The following DCHS2 variants were observed in gnomAD, a reference collection of about 807,000 sequenced individuals.
The protein encoded by DCHS2 is dachsous cadherin-related 2.
DCHS2 carries 142 observed loss-of-function variants against 182.4 expected under a neutral mutation model. The observed-to-expected ratio is 0.78, with a 90% CI of 0.68 to 0.89. The LOEUF is 0.89. Ranked by LOEUF, DCHS2 falls within the 40% of genes least tolerant of loss-of-function variation. The pLI is 0.00. For missense variants in DCHS2, 4,319 were observed against 4,198.6 expected, an observed-to-expected ratio of 1.03 and a Z score of -0.79; for synonymous variants, 1,740 against 1,663.3, an observed-to-expected ratio of 1.05 and a Z score of -1.12.
chr4:154,288,002 A>G (rs563409605), intron 13 of DCHS2, among the ~76,000 whole-genome samples: 2 of 152,336 alleles, frequency 1.3e-5, no homozygotes, highest in East Asian at 3.9e-4. Context: ...CAGGAAGATA[A>G]GAAAAAGGGA....
At chr4:154,291,445 T>A (rs1267061796) in intron 13 of DCHS2, among the ~76,000 whole-genome samples, 1 of 152,120 alleles carries the variant, frequency 6.6e-6, no homozygotes, top group African/African-American at 2.4e-5. Flanking sequence ...CACTGTTAGG[T>A]TATATACTTA....
intron 1 of DCHS2, among the ~76,000 whole-genome samples, chr4:154,478,343 C>T (rs1454518220): frequency 6.6e-6 from 1 of 152,170 alleles, no homozygotes; most frequent in Admixed American, 6.5e-5. Flanking sequence ...AACCTACCCT[C>T]CTGCATGTAA....
chr4:154,293,681 A>C (rs1225573897), intron 13 of DCHS2, among the ~76,000 whole-genome samples: 1 of 152,038 alleles, frequency 6.6e-6, no homozygotes, highest in Non-Finnish European at 1.5e-5. Context: ...GTATCCTCCT[A>C]ACTCATTTCT....
At chr4:154,265,105 T>G (rs576472140) in intron 14 of DCHS2, among the ~76,000 whole-genome samples, 70 of 152,342 alleles carry the variant, frequency 4.6e-4, no homozygotes, top group South Asian at 1.4e-3. Context: ...TATGATTTTA[T>G]GTGTCAAATA....
intron 1 of DCHS2, among the ~76,000 whole-genome samples, chr4:154,426,806 C>A (rs1320655726): frequency 2.4e-5 from 1 of 40,998 alleles, no homozygotes; most frequent in Non-Finnish European, 1.1e-4. Context: ...AATAAAATAA[C>A]TAAAAGAGTA....
chr4:154,365,253 C>T (rs1730295668), intron 3 of DCHS2, among the ~76,000 whole-genome samples: 1 of 152,098 alleles, frequency 6.6e-6, no homozygotes, highest in African/African-American at 2.4e-5. Context: ...AAAAAAGGAT[C>T]TACTTTGGAC....
rs1006178739 is a variant in DCHS2 at position 154,298,000 on chromosome 4, G to A, written c.6314C>T (p.Pro2105Leu). The A allele has an allele frequency of 5.6e-6, 9 of 1,613,952 alleles. No homozygotes were observed. Among genetic ancestry groups the A allele is most frequent in the Non-Finnish European group, 6.8e-6 (8 of 1,179,994 alleles). Reference protein sequence around the residue: ...FQQNPSSEYFPIWLQLKVTDQ... With the variant: ...FQQNPSSEYFLIWLQLKVTDQ... ...TGTAACTTTTAACTGCAGCCAGATA[G>A]GGAAGTATTCTGAAGATGGATTTTG... The change falls in exon 13 of 20, where the codon CCT becomes CTT. Residue 2105 changes from proline (P) to leucine (L), a missense_variant. Coordinates refer to ENST00000357232, the MANE Select transcript of DCHS2 (RefSeq NM_001358235.2).
In DCHS2 at chr4:154,442,369, T is replaced by G. The variant is rs149667203; in HGVS notation, c.2052+46935A>C. ...GACTCTCTTACCCTACATGGCTCTGTATATCCTGTAACTGACTCAAACATG... is the reference window on the plus strand; with the variant it reads ...GACTCTCTTACCCTACATGGCTCTGGATATCCTGTAACTGACTCAAACATG... On this transcript the variant is annotated intron_variant, in intron 1 of 19. Transcript: ENST00000357232. Among the ~76,000 whole-genome samples the G allele has an allele frequency of 3.6e-3, 544 of 152,210 alleles. 5 individuals are homozygous for G. The Middle Eastern group carries it at 0.044, about 12-fold the overall frequency.
chr4:154,373,311 T>C (rs981742236), intron 2 of DCHS2, among the ~76,000 whole-genome samples: 9 of 152,148 alleles, frequency 5.9e-5, no homozygotes, highest in African/African-American at 1.9e-4. Context: ...AGAATAATTA[T>C]GATAGATGCA....
At chr4:154,429,048 C>T (rs535443526) in intron 1 of DCHS2, among the ~76,000 whole-genome samples, 4 of 151,868 alleles carry the variant, frequency 2.6e-5, no homozygotes, top group African/African-American at 9.7e-5. Flanking sequence ...GTTATAAACA[C>T]ACAAAGAAAT....
chr4:154,353,313 A>C (rs1213576750), intron 3 of DCHS2, among the ~76,000 whole-genome samples: 1 of 152,194 alleles, frequency 6.6e-6, no homozygotes, highest in Non-Finnish European at 1.5e-5. Flanking sequence ...AACACACAAA[A>C]AATCAGGAAA....
chr4:154,479,012 C>G (rs1258882449), intron 1 of DCHS2, among the ~76,000 whole-genome samples: 1 of 152,062 alleles, frequency 6.6e-6, no homozygotes, highest in Non-Finnish European at 1.5e-5. Context: ...AGAAGCCAAA[C>G]ACAGATGACT....
At chr4:154,382,657 CAAAT>C (rs1270387679) in intron 1 of DCHS2, among the ~76,000 whole-genome samples, 5 of 151,934 alleles carry the variant, frequency 3.3e-5, no homozygotes, top group Admixed American at 6.6e-5. Flanking sequence ...CAGCGAAAAA[CAAAT>C]AACCCCATTA....
rs79484292 is a variant in DCHS2, at chr4:154,444,661, C to T, written c.2052+44643G>A. On this transcript the variant is annotated intron_variant, in intron 1 of 19. Coordinates refer to ENST00000357232, the MANE Select transcript of DCHS2 (RefSeq NM_001358235.2). Reference sequence around the variant, plus strand: ...CACCACCCTCACAACACCATCCCACCACACAGCTCCAGGTGATCTTCTCAA... The same window carrying T: ...CACCACCCTCACAACACCATCCCACTACACAGCTCCAGGTGATCTTCTCAA... Among the ~76,000 whole-genome samples, 685 of 152,284 alleles carry T rather than the reference C, an allele frequency of 4.5e-3. 5 individuals are homozygous for T. Among genetic ancestry groups the T allele is most frequent in the Non-Finnish European group, 6.5e-3 (440 of 68,028 alleles).
At chr4:154,335,358 T>G (rs1400279503) in intron 3 of DCHS2, among the ~76,000 whole-genome samples, 2 of 152,138 alleles carry the variant, frequency 1.3e-5, no homozygotes, top group African/African-American at 4.8e-5. Context: ...CCTGGTCCAA[T>G]CCACTGAAGG....
chr4:154,254,131 GA>G (rs908202955), intron 16 of DCHS2, among the ~76,000 whole-genome samples: 1 of 152,126 alleles, frequency 6.6e-6, no homozygotes, highest in African/African-American at 2.4e-5. Context: ...TGCTTGCGAG[GA>G]TTAAATAGAA....
intron 10 of DCHS2, among the ~76,000 whole-genome samples, chr4:154,313,185 C>A (rs1413933680): frequency 6.6e-6 from 1 of 152,156 alleles, no homozygotes; most frequent in Non-Finnish European, 1.5e-5. Flanking sequence ...GGCACCCTTT[C>A]CTCTTGGGAG....
intron 1 of DCHS2, among the ~76,000 whole-genome samples, chr4:154,407,550 T>G (rs1732453785): frequency 6.6e-6 from 1 of 152,228 alleles, no homozygotes; most frequent in Non-Finnish European, 1.5e-5. Flanking sequence ...CCAGGACTGC[T>G]CTGCCTTTCC....
Position 154,234,650 on chromosome 4 carries a change from TA to T in DCHS2, c.10001del (p.Leu3334HisfsTer2). 1 of 1,613,958 alleles carries T rather than the reference TA, an allele frequency of 6.2e-7. No homozygotes were observed. The highest frequency in any genetic ancestry group is 1.7e-5 in the Admixed American group (1 of 60,000). ...MTPNFSPSLS[L>X]LTMQPPALSP... is the part of the protein sequence containing the mutation. ...ACAAGGCAGGAGGCTGCATCGTCAA[TA>T]GGGAAAGAGATGGAGAAAAATTGGG... is the stretch of plus-strand genomic sequence containing the variant. On this transcript the variant is annotated frameshift_variant, in exon 20 of 20. Transcript: ENST00000357232. LOFTEE classifies it low-confidence loss of function (END_TRUNC).
Sources: gnomAD v4.1 joint callset for allele counts (sites outside exome capture counted in the v4.1 genomes callset) on GRCh38, gnomAD v4.1.1 for gene constraint, MANE v1.5 for transcripts, NCBI Gene and HGNC (gene_info 2026-07-23, HGNC 2026-07-21) for gene names.